MYO1B: variants seen among roughly 807,000 people sequenced by gnomAD.
MYO1B encodes the protein unconventional myosin-Ib.
MYO1B carries 72 observed loss-of-function variants against 159.7 expected under a neutral mutation model. The observed-to-expected ratio is 0.45, with a 90% CI of 0.37 to 0.55. The LOEUF (loss-of-function observed/expected upper bound fraction) is 0.55, where lower values mean the gene tolerates loss of function less well. Among genes scored for constraint, MYO1B ranks in the 20% least tolerant of loss-of-function variants. The pLI is 0.00. For missense variants in MYO1B, 1,062 were observed against 1,364.8 expected, an observed-to-expected ratio of 0.78 and a Z score of 3.50; for synonymous variants, 468 against 473.8, an observed-to-expected ratio of 0.99 and a Z score of 0.16.
intron 5 of MYO1B, 127 bp from the exon 6 acceptor site, chr2:191,346,109 A>C: frequency 1.3e-6 from 1 of 751,602 alleles, no homozygotes; most frequent in East Asian, 3.0e-5. Flanking sequence ...GAAGTTTTGG[A>C]CAGAAATATC....
At chr2:191,386,976 A>G (rs1695435259) in intron 16 of MYO1B, among the ~76,000 whole-genome samples, 1 of 152,182 alleles carries the variant, frequency 6.6e-6, no homozygotes, top group Non-Finnish European at 1.5e-5. Flanking sequence ...TGTTATGATA[A>G]CATTTTTGGA....
At chr2:191,368,791 A>C (rs754549620) in intron 11 of MYO1B, among the ~76,000 whole-genome samples, 27 of 152,012 alleles carry the variant, frequency 1.8e-4, no homozygotes, top group Admixed American at 5.2e-4. Flanking sequence ...CTGGCTAACA[A>C]GGCAAAACCC....
Position 191,264,089 on chromosome 2 carries a change from A to G in MYO1B, c.-9-12798A>G, listed in dbSNP as rs17619042. Among the ~76,000 whole-genome samples the G allele has an allele frequency of 1.5e-3, 236 of 152,278 alleles. 8 individuals are homozygous for G. The East Asian group carries it at 0.042, about 27-fold the overall frequency. ...AGAAAAACCAGAAATTGACCTAGAAAATGTTTCCAAATTCTAATATAATTG... is the reference window on the plus strand; with the variant it reads ...AGAAAAACCAGAAATTGACCTAGAAGATGTTTCCAAATTCTAATATAATTG... On this transcript the variant is annotated intron_variant, in intron 1 of 30. Coordinates refer to ENST00000392318, the MANE Select transcript of MYO1B (RefSeq NM_001130158.3).
At chr2:191,344,274 A>G (rs1692415792) in intron 5 of MYO1B, among the ~76,000 whole-genome samples, 1 of 152,242 alleles carries the variant, frequency 6.6e-6, no homozygotes, top group Non-Finnish European at 1.5e-5. Flanking sequence ...TCAAGGTTAC[A>G]TTCATGAAAG....
chr2:191,352,925 A>T (rs1336645030), intron 7 of MYO1B, among the ~76,000 whole-genome samples: 1 of 152,216 alleles, frequency 6.6e-6, no homozygotes, highest in Non-Finnish European at 1.5e-5. Flanking sequence ...TTTTGTAGGA[A>T]GTATATTTTG....
intron 3 of MYO1B, among the ~76,000 whole-genome samples, chr2:191,327,757 T>C (rs1691197315): frequency 6.6e-6 from 1 of 152,222 alleles, no homozygotes; most frequent in Non-Finnish European, 1.5e-5. Flanking sequence ...TCAGTGCACA[T>C]TGTTCAAAGG....
At chr2:191,387,542 C>T (rs775187393) in intron 17 of MYO1B, 92 bp downstream of exon 17, 30 of 1,131,878 alleles carry the variant, frequency 2.7e-5, no homozygotes, top group Non-Finnish European at 4.0e-5. Flanking sequence ...GAGTGTAGCC[C>T]AAGCAGAGGG....
At chr2:191,308,422 A>T (rs1689784000) in intron 3 of MYO1B, among the ~76,000 whole-genome samples, 1 of 152,226 alleles carries the variant, frequency 6.6e-6, no homozygotes, top group African/African-American at 2.4e-5. Flanking sequence ...AAGCTGAATT[A>T]GTAGGCCACC....
chr2:191,292,160 T>C (rs2125798176), intron 2 of MYO1B, among the ~76,000 whole-genome samples: 1 of 152,348 alleles, frequency 6.6e-6, no homozygotes, highest in Admixed American at 6.5e-5. Context: ...GAAAGCATAG[T>C]TTCTTTTAGT....
At chr2:191,383,404 G>T (rs1574564148) in intron 15 of MYO1B, 62 bp downstream of exon 15, 1 of 829,464 alleles carries the variant, frequency 1.2e-6, no homozygotes, top group East Asian at 3.7e-5. Flanking sequence ...CCTTATAAAT[G>T]TTCTCAGTGC....
chr2:191,296,528 A>G (rs949941573), intron 3 of MYO1B, among the ~76,000 whole-genome samples: 1 of 152,204 alleles, frequency 6.6e-6, no homozygotes, highest in African/African-American at 2.4e-5. Context: ...AGGAATGTGC[A>G]TTGTTTATTA....
chr2:191,304,412 T>A (rs7590606), intron 3 of MYO1B, among the ~76,000 whole-genome samples: 80,489 of 151,950 alleles, frequency 0.53, 22,060 homozygotes, highest in East Asian at 0.65. Flanking sequence ...CTCTAATAAA[T>A]ATACAAAATT....
chr2:191,269,880 G>A (rs897403252), intron 1 of MYO1B, among the ~76,000 whole-genome samples: 1 of 151,932 alleles, frequency 6.6e-6, no homozygotes, highest in Admixed American at 6.5e-5. Flanking sequence ...TTGTTATTTT[G>A]TGGAATTTAG....
intron 27 of MYO1B, among the ~76,000 whole-genome samples, chr2:191,413,729 T>A (rs1370025679): frequency 6.6e-6 from 1 of 152,228 alleles, no homozygotes; most frequent in Non-Finnish European, 1.5e-5. Context: ...TGCCTTTTCC[T>A]TCACATGAGG....
intron 2 of MYO1B, among the ~76,000 whole-genome samples, chr2:191,285,700 G>A (rs1688323887): frequency 6.6e-6 from 1 of 152,194 alleles, no homozygotes; most frequent in African/African-American, 2.4e-5. Flanking sequence ...AGCCGATGGA[G>A]TAGAAAGTGA....
At chr2:191,385,075 G>A (rs1346422021) in intron 15 of MYO1B, among the ~76,000 whole-genome samples, 2 of 152,186 alleles carry the variant, frequency 1.3e-5, no homozygotes, top group Non-Finnish European at 2.9e-5. Flanking sequence ...GGTCAGTGGA[G>A]TGGATTGTTT....
intron 3 of MYO1B, among the ~76,000 whole-genome samples, chr2:191,299,424 C>A (rs1284882727): frequency 1.3e-5 from 2 of 152,184 alleles, no homozygotes; most frequent in African/African-American, 4.8e-5. Context: ...CCTCACCCCA[C>A]CCTCACCACA....
intron 13 of MYO1B, among the ~76,000 whole-genome samples, chr2:191,378,703 G>A (rs1694862447): frequency 6.6e-6 from 1 of 152,108 alleles, no homozygotes; most frequent in Admixed American, 6.6e-5. Context: ...TAAAATAGTG[G>A]TAAAGCGTTG....
intron 1 of MYO1B, chr2:191,247,886 C>G (rs1685881793): frequency 1.0e-6 from 1 of 973,276 alleles, no homozygotes; most frequent in African/African-American, 1.8e-5. Context: ...GGCTGTATCC[C>G]CTTCCCAGGA....
Sources: allele counts gnomAD v4.1 joint callset (sites outside exome capture counted in the v4.1 genomes callset), GRCh38; gene constraint gnomAD v4.1.1; transcripts MANE v1.5; gene names NCBI Gene and HGNC (gene_info 2026-07-23, HGNC 2026-07-21).